The following JPH2 variants were observed in gnomAD, a reference collection of about 807,000 sequenced individuals.
JPH2 encodes the protein junctophilin 2, also known as junctophilin-2.
JPH2 carries 38 observed loss-of-function variants against 55.9 expected under a neutral mutation model. That is an observed-to-expected ratio of 0.68 (90% CI 0.52 to 0.89). The LOEUF is 0.89. Ranked by LOEUF, JPH2 falls within the 40% of genes least tolerant of loss-of-function variation. The pLI is 0.00. For missense variants in JPH2, 964 were observed against 1,037.6 expected, an observed-to-expected ratio of 0.93 and a Z score of 0.97; for synonymous variants, 480 against 472.4, an observed-to-expected ratio of 1.02 and a Z score of -0.21.
chr20:44,126,185 AG>A (rs1238640030), intron 2 of JPH2, among the ~76,000 whole-genome samples: 1 of 97,032 alleles, frequency 1.0e-5, no homozygotes, highest in Non-Finnish European at 2.0e-5. Context: ...GAAGGAAGGA[AG>A]GAAGGGAGGA....
intron 1 of JPH2, among the ~76,000 whole-genome samples, chr20:44,171,136 G>A (rs1322952963): frequency 6.6e-6 from 1 of 152,186 alleles, no homozygotes; most frequent in Non-Finnish European, 1.5e-5. Context: ...AGGATCCCTA[G>A]GGAAAAGATT....
intron 1 of JPH2, among the ~76,000 whole-genome samples, chr20:44,161,594 T>G (rs757745490): frequency 4.6e-5 from 7 of 152,152 alleles, no homozygotes; most frequent in Non-Finnish European, 8.8e-5. Flanking sequence ...TCCTAGGGTT[T>G]TTTTTTGAGG....
intron 1 of JPH2, among the ~76,000 whole-genome samples, chr20:44,180,205 C>A (rs929831741): frequency 2.6e-5 from 4 of 152,054 alleles, no homozygotes; most frequent in Non-Finnish European, 4.4e-5. Flanking sequence ...GTGACAAGAG[C>A]GGAATTCCGT....
At chr20:44,150,025 C>T (rs2072520966) in intron 2 of JPH2, among the ~76,000 whole-genome samples, 1 of 150,082 alleles carries the variant, frequency 6.7e-6, no homozygotes, top group Non-Finnish European at 1.5e-5. Context: ...ACATTACATG[C>T]CCCCTGATGT....
At chr20:44,117,386 C>T (rs1018666706) in intron 3 of JPH2, among the ~76,000 whole-genome samples, 1 of 152,222 alleles carries the variant, frequency 6.6e-6, no homozygotes, top group African/African-American at 2.4e-5. Flanking sequence ...GCCGGGAGGT[C>T]CTCCTTACTC....
intron 2 of JPH2, among the ~76,000 whole-genome samples, chr20:44,133,562 TG>T (rs904675375): frequency 6.6e-6 from 1 of 151,952 alleles, no homozygotes; most frequent in African/African-American, 2.4e-5. Flanking sequence ...CTTTGCTCAC[TG>T]GCTTCCAGTG....
At chr20:44,183,042 TACAC>T (rs201129976) in intron 1 of JPH2, among the ~76,000 whole-genome samples, 3 of 151,474 alleles carry the variant, frequency 2.0e-5, no homozygotes, top group Non-Finnish European at 2.9e-5. Context: ...CACACATAAA[TACAC>T]ACACACACAG....
chr20:44,140,171 G>A (rs1178315936), intron 2 of JPH2, among the ~76,000 whole-genome samples: 3 of 152,134 alleles, frequency 2.0e-5, no homozygotes, highest in African/African-American at 7.2e-5. Context: ...GCGCCTGGCC[G>A]AGATTTTATT....
intron 1 of JPH2, chr20:44,177,006 G>C: frequency 3.0e-6 from 3 of 985,428 alleles, no homozygotes; most frequent in Non-Finnish European, 3.6e-6. Flanking sequence ...CTCATTCCTG[G>C]CCTGGAGCAG....
chr20:44,118,608 C>T lies in JPH2; in HGVS notation c.1185G>A (p.Lys395=), dbSNP rs760586009. The T allele has an allele frequency of 1.9e-5, 31 of 1,610,082 alleles. No homozygotes were observed. In the African/African-American group the frequency reaches 3.6e-4, roughly 19 times the overall value. Residue 395 remains lysine, a synonymous_variant, in exon 3 of 6, where the codon AAG becomes AAA. Coordinates refer to ENST00000372980, the MANE Select transcript of JPH2 (RefSeq NM_020433.5). ...EIAASRTSHA[K]AKAEAAEQAA... ...CCTGTTCCGCTGCCTCAGCTTTGGC[C>T]TTGGCGTGGCTTGTCCTATGGAGAC...
intron 2 of JPH2, among the ~76,000 whole-genome samples, chr20:44,120,093 C>T (rs961162471): frequency 6.6e-6 from 1 of 152,040 alleles, no homozygotes; most frequent in Non-Finnish European, 1.5e-5. Flanking sequence ...CATCCTGCCT[C>T]TCATTCTTCT....
intron 1 of JPH2, among the ~76,000 whole-genome samples, chr20:44,163,317 A>G (rs1313954072): frequency 1.3e-5 from 2 of 152,150 alleles, no homozygotes; most frequent in East Asian, 1.9e-4. Flanking sequence ...CTGCCTGTCA[A>G]TGATGTGTTG....
At chr20:44,162,941 T>C (rs1030708334) in intron 1 of JPH2, among the ~76,000 whole-genome samples, 14 of 151,366 alleles carry the variant, frequency 9.2e-5, no homozygotes, top group African/African-American at 3.4e-4. Context: ...ACCCCATAAA[T>C]ATTTAATATA....
rs1288721821 is a variant in JPH2 at position 44,186,537 on chromosome 20, C to T, written c.169G>A (p.Gly57Arg). Residue 57 changes from glycine to arginine, a missense_variant, in exon 1 of 6, where the codon GGA becomes AGA. Transcript: ENST00000372980. ...EVAGVYTWPS[G>R]NTFEGYWSQG... ...CTCCAGTATCCCTCAAAGGTGTTTC[C>T]GCTGGGCCAGGTGTAGACACCTGCC... 3.1e-6 allele frequency: 5 copies of T among 1,613,688 alleles called. No individual in the cohort carries two copies. Among genetic ancestry groups the T allele is most frequent in the Admixed American group, 1.7e-5 (1 of 60,000 alleles).
intron 1 of JPH2, among the ~76,000 whole-genome samples, chr20:44,171,325 G>T (rs1291570332): frequency 6.6e-6 from 1 of 152,180 alleles, no homozygotes; most frequent in East Asian, 1.9e-4. Context: ...ATCAAAGCAA[G>T]GGGGCCAGGT....
intron 2 of JPH2, among the ~76,000 whole-genome samples, chr20:44,153,456 A>C (rs987032020): frequency 4.2e-4 from 64 of 152,202 alleles, no homozygotes; most frequent in African/African-American, 1.4e-3. Flanking sequence ...TGCTCACCAG[A>C]GAAATTCAGC....
intron 1 of JPH2, among the ~76,000 whole-genome samples, chr20:44,169,420 C>T (rs975758132): frequency 1.3e-5 from 2 of 152,128 alleles, no homozygotes; most frequent in Non-Finnish European, 2.9e-5. Flanking sequence ...CCTCATGATC[C>T]GCCTGCCTTG....
At chr20:44,131,108 G>T (rs541911856) in intron 2 of JPH2, among the ~76,000 whole-genome samples, 1 of 152,190 alleles carries the variant, frequency 6.6e-6, no homozygotes, top group Admixed American at 6.5e-5. Context: ...CCTGAGTGTG[G>T]GCTGGACCTA....
chr20:44,142,383 C>T lies in JPH2; in HGVS notation c.1169+17235G>A, dbSNP rs115270942. 8.5e-3 allele frequency among the ~76,000 whole-genome samples: 1,294 copies of T among 152,262 alleles called. 19 individuals are homozygous for T. Among genetic ancestry groups the T allele is most frequent in the African/African-American group, 0.03 (1,232 of 41,528 alleles). ...ATTGTACAACATTGCCATCCATCCC[C>T]GCCGCCTCCCCACGCTCTCTCCGGC... On this transcript the variant is annotated intron_variant, in intron 2 of 5. Transcript: ENST00000372980.
Sources: allele counts gnomAD v4.1 joint callset (sites outside exome capture counted in the v4.1 genomes callset), GRCh38; gene constraint gnomAD v4.1.1; transcripts MANE v1.5; gene names NCBI Gene and HGNC (gene_info 2026-07-23, HGNC 2026-07-21).